Variants in DNAH8 observed in about 807,000 individuals in gnomAD.
DNAH8 encodes dynein axonemal heavy chain 8, also known as axonemal beta dynein heavy chain 8.
In DNAH8, 382 loss-of-function variants were observed where a neutral mutation model predicts 562.1. That is an observed-to-expected ratio of 0.68 (90% CI 0.63 to 0.74). The LOEUF is 0.74. Ranked by LOEUF, DNAH8 falls within the 30% of genes least tolerant of loss-of-function variation. The pLI is 0.00. For missense variants in DNAH8, 5,203 were observed against 5,620.4 expected, an observed-to-expected ratio of 0.93 and a Z score of 2.37; for synonymous variants, 1,881 against 1,919.4, an observed-to-expected ratio of 0.98 and a Z score of 0.52.
intron 8 of DNAH8, among the ~76,000 whole-genome samples, chr6:38,742,137 T>C (rs1389684981): frequency 6.6e-6 from 1 of 152,206 alleles, no homozygotes; most frequent in Non-Finnish European, 1.5e-5. Context: ...CTTTTATTTT[T>C]AAATTGTTTT....
intron 21 of DNAH8, among the ~76,000 whole-genome samples, chr6:38,798,673 T>C (rs1376028893): frequency 1.3e-5 from 2 of 152,194 alleles, no homozygotes; most frequent in East Asian, 1.9e-4. Flanking sequence ...GTGTGGGTCG[T>C]TGTGATTATC....
At position 38,917,284 on chromosome 6, in the gene DNAH8, C is replaced by CTTTT. The variant is rs1781377113; in HGVS notation, c.10186_10187insTTTT (p.Pro3396LeufsTer22). On this transcript the variant is annotated frameshift_variant, in exon 69 of 93. Transcript: ENST00000327475. LOFTEE classifies it high-confidence loss of function. ...TGCCACAGTCAGGAAACTTGCAAAA[C>CTTTT]CACCACATCTTATTATGAGAATCAT... 1 of 1,612,950 alleles carries CTTTT rather than the reference C, an allele frequency of 6.2e-7. No individual in the cohort carries two copies. Among genetic ancestry groups the CTTTT allele is most frequent in the Non-Finnish European group, 8.5e-7 (1 of 1,179,516 alleles).
At chr6:38,998,433 C>T (rs1404975744) in intron 88 of DNAH8, among the ~76,000 whole-genome samples, 1 of 152,182 alleles carries the variant, frequency 6.6e-6, no homozygotes, top group East Asian at 1.9e-4. Context: ...TTTTTCTCAT[C>T]AGTGGTTATG....
Position 38,894,742 on chromosome 6 carries a change from C to G in DNAH8, c.8625C>G (p.Phe2875Leu), listed in dbSNP as rs759448809. Residue 2875 changes from phenylalanine (F) to leucine (L), a missense_variant, in exon 59 of 93, where the codon TTC becomes TTG. Transcript: ENST00000327475. The stretch of plus-strand genomic sequence containing the variant: ...CTCCTTCTAAATTTCATTACATCTT[C>G]AATCTTCGAGATCTTTCCAGAATTT... ...LPTPSKFHYI[F>L]NLRDLSRIWQ... The G allele has an allele frequency of 7.4e-6, 12 of 1,613,876 alleles. No individual in the cohort carries two copies. The highest frequency in any genetic ancestry group is 1.0e-5 in the Non-Finnish European group (12 of 1,179,952).
chr6:38,910,856 G>A (rs6458084), intron 65 of DNAH8, among the ~76,000 whole-genome samples: 76,295 of 151,920 alleles, frequency 0.5, 20,385 homozygotes, highest in African/African-American at 0.69. Context: ...TTTATAGTAC[G>A]TGAAGAACTC....
intron 57 of DNAH8, among the ~76,000 whole-genome samples, chr6:38,890,327 A>G (rs960235316): frequency 6.6e-6 from 1 of 152,128 alleles, no homozygotes; most frequent in Non-Finnish European, 1.5e-5. Context: ...CACATCTCAG[A>G]TTTGTCTGCA....
rs146237427 is a variant in DNAH8 at position 38,775,711 on chromosome 6, G to A, written c.1765-43G>A. The A allele has an allele frequency of 4.8e-6, 6 of 1,246,078 alleles. No homozygotes were observed. In the Admixed American group the frequency reaches 8.0e-5, roughly 17 times the overall value. The allele number at this position is 1,246,078 out of a possible 1,614,324, so 77.2% of individuals were successfully genotyped here. A position where few individuals can be genotyped will look rare whatever the true frequency, so the allele number is the denominator to read the frequency against. ...AGAGCTTATTTTAGGGAAGTTGCCT[G>A]CTATCTCATTTAAAAAAGCAAAATA... On this transcript the variant is annotated intron_variant, in intron 12 of 92. Coordinates refer to ENST00000327475, the MANE Select transcript of DNAH8 (RefSeq NM_001206927.2).
At chr6:38,981,476 C>T (rs1764032370) in intron 85 of DNAH8, among the ~76,000 whole-genome samples, 1 of 152,066 alleles carries the variant, frequency 6.6e-6, no homozygotes, top group Admixed American at 6.6e-5. Context: ...TCTCTTAGGC[C>T]CTCTTTGATT....
At chr6:38,994,655 T>C (rs944686524) in intron 88 of DNAH8, among the ~76,000 whole-genome samples, 4 of 150,184 alleles carry the variant, frequency 2.7e-5, no homozygotes, top group South Asian at 2.1e-4. Context: ...TTTTCTTTTT[T>C]TTTTTTTTTT....
intron 10 of DNAH8, among the ~76,000 whole-genome samples, chr6:38,761,044 T>C (rs182824716): frequency 5.3e-5 from 8 of 151,476 alleles, no homozygotes; most frequent in Admixed American, 4.0e-4. Flanking sequence ...TGCCCTTTTC[T>C]GGCTCACTCA....
intron 88 of DNAH8, among the ~76,000 whole-genome samples, chr6:39,008,377 G>T (rs1193243201): frequency 6.6e-6 from 1 of 151,982 alleles, no homozygotes; most frequent in Non-Finnish European, 1.5e-5. Context: ...ATTTTAATAG[G>T]TTATAACTCA....
intron 56 of DNAH8, among the ~76,000 whole-genome samples, chr6:38,885,781 A>G (rs1370668835): frequency 6.6e-6 from 1 of 152,130 alleles, no homozygotes; most frequent in Non-Finnish European, 1.5e-5. Flanking sequence ...ATGTCAGGTG[A>G]AGCCTCCCCT....
chr6:39,008,740 T>C (rs1284889894), intron 88 of DNAH8, 74 bp from the exon 89 acceptor site: 1 of 825,910 alleles, frequency 1.2e-6, no homozygotes, highest in African/African-American at 1.7e-5. Context: ...ATTCTATCAG[T>C]TCATTTTAAC....
chr6:38,884,451 G>T (rs574267225), intron 56 of DNAH8, among the ~76,000 whole-genome samples: 1 of 152,186 alleles, frequency 6.6e-6, no homozygotes, highest in South Asian at 2.1e-4. Context: ...CCGCCACCAC[G>T]CCTGGCTAAT....
chr6:38,898,561 A>G (rs1779860803), intron 61 of DNAH8, among the ~76,000 whole-genome samples, 181 bp downstream of exon 61: 1 of 152,178 alleles, frequency 6.6e-6, no homozygotes, highest in Non-Finnish European at 1.5e-5. Context: ...CTTTATTTGA[A>G]TCCATCTACA....
Position 38,938,987 on chromosome 6 carries a change from A to C in DNAH8, c.12006A>C (p.Lys4002Asn). ...VKHREFQALI[K>N]GGAALDLKAC... ...ACAGAGAGTTTCAAGCTCTCATTAA[A>C]GGTAAAGTGTGTGGGATACAGATGT... The change falls in exon 79 of 93, where the codon AAA (lysine) becomes AAC (asparagine). Residue 4002 changes from lysine to asparagine, a missense_variant and splice_region_variant. By Grantham distance (94) the Lys-to-Asn change is moderately conservative (BLOSUM62 0). Transcript: ENST00000327475. 6.2e-7 allele frequency: 1 copy of C among 1,612,410 alleles called. No homozygotes were observed. The highest frequency in any genetic ancestry group is 8.5e-7 in the Non-Finnish European group (1 of 1,179,072).
intron 66 of DNAH8, among the ~76,000 whole-genome samples, chr6:38,913,321 G>A (rs1435967008): frequency 1.3e-5 from 2 of 152,152 alleles, no homozygotes; most frequent in African/African-American, 2.4e-5. Context: ...CCACTACCTA[G>A]AACCCGTTGG....
At chr6:38,743,812 A>G (rs1313422045) in intron 8 of DNAH8, among the ~76,000 whole-genome samples, 2 of 152,182 alleles carry the variant, frequency 1.3e-5, no homozygotes, top group Non-Finnish European at 2.9e-5. Flanking sequence ...GCAATTATGC[A>G]TAACGCTGCT....
intron 30 of DNAH8, among the ~76,000 whole-genome samples, chr6:38,831,291 A>T (rs1773809905): frequency 6.6e-6 from 1 of 151,774 alleles, no homozygotes; most frequent in East Asian, 1.9e-4. Context: ...TGGAAATGGC[A>T]GCACACACCT....
Sources: allele counts gnomAD v4.1 joint callset (sites outside exome capture counted in the v4.1 genomes callset), GRCh38; gene constraint gnomAD v4.1.1; transcripts MANE v1.5; gene names NCBI Gene and HGNC (gene_info 2026-07-23, HGNC 2026-07-21).